Variants in NEDD4L observed in about 807,000 individuals in gnomAD.
NEDD4L encodes the protein E3 ubiquitin-protein ligase NEDD4-like.
A neutral mutation model predicts 148.9 loss-of-function variants in NEDD4L; 54 were observed. That is an observed-to-expected ratio of 0.36 (90% confidence interval 0.29 to 0.45). NEDD4L has a LOEUF of 0.45. NEDD4L is among the 20% of genes least tolerant of loss of function. The pLI is 1.00. For missense variants in NEDD4L, 856 were observed against 1,233.8 expected (o/e 0.69, Z 4.59); for synonymous variants, 433 against 440.7 (o/e 0.98, Z 0.22).
intron 1 of NEDD4L, among the ~76,000 whole-genome samples, chr18:58,127,575 C>G (rs1424885277): frequency 6.6e-6 from 1 of 151,728 alleles, no homozygotes; most frequent in East Asian, 1.9e-4. Flanking sequence ...TGCGGTGGCT[C>G]ACACCTGTGA....
chr18:58,287,088 CTTTT>C (rs2054023453), intron 5 of NEDD4L, among the ~76,000 whole-genome samples: 1 of 148,796 alleles, frequency 6.7e-6, no homozygotes, highest in Non-Finnish European at 1.5e-5. Context: ...TAAAGCACTT[CTTTT>C]TCTTTTTTTT....
At chr18:58,152,833 G>T (rs1304456403) in intron 1 of NEDD4L, among the ~76,000 whole-genome samples, 1 of 152,196 alleles carries the variant, frequency 6.6e-6, no homozygotes, top group Non-Finnish European at 1.5e-5. Flanking sequence ...CAGTCCTGTG[G>T]CTTCTTAGGC....
At chr18:58,196,698 TTCTC>T (rs141781416) in intron 2 of NEDD4L, among the ~76,000 whole-genome samples, 1 of 134,064 alleles carries the variant, frequency 7.5e-6, no homozygotes, top group Non-Finnish European at 1.6e-5. Context: ...TACTTTTCTG[TTCTC>T]TCTCTCTCTT....
intron 2 of NEDD4L, among the ~76,000 whole-genome samples, chr18:58,202,070 G>T (rs1269057502): frequency 6.6e-6 from 1 of 152,186 alleles, no homozygotes; most frequent in Non-Finnish European, 1.5e-5. Context: ...TTGCCTTGAA[G>T]ATGTGCAGCT....
chr18:58,391,574 C>T lies in NEDD4L; in HGVS notation c.2825+15C>T, dbSNP rs1297154365. 6 of 1,544,630 alleles carry T rather than the reference C, an allele frequency of 3.9e-6. No homozygotes were observed. In the African/African-American group the frequency reaches 6.8e-5, roughly 18 times the overall value. ...GCTCACACATGGTGAGTGACAAAAA[C>T]ACATGCATGTCAATGCAATATCTGA... On this transcript the variant is annotated intron_variant, in intron 30 of 30. Transcript: ENST00000400345.
rs1014109683 is a variant in NEDD4L, at chr18:58,180,498, C to T, written c.122+14637C>T. Among the ~76,000 whole-genome samples, 18 of 152,196 alleles carry T rather than the reference C, an allele frequency of 1.2e-4. 1 individual carries two copies. The highest frequency in any genetic ancestry group is 7.3e-5 in the Non-Finnish European group (5 of 68,030). ...TTGAGCTGAGGACAGCTCCCTACCC[C>T]CTTTCTGTGCTTGGCCGACTCCAGC... On this transcript the variant is annotated intron_variant, in intron 2 of 30. Transcript: ENST00000400345.
Position 58,195,305 on chromosome 18 carries a change from G to A in NEDD4L, c.122+29444G>A, listed in dbSNP as rs2040532665. 4.6e-6 allele frequency: 3 copies of A among 657,698 alleles called. No individual in the cohort carries two copies. In the South Asian group the frequency reaches 5.6e-5, roughly 12 times the overall value. 40.7% of individuals were successfully genotyped at this position (657,698 alleles called of 1,614,324 possible). ...TTTTGTTGCAAGGGCAGCATTGTGG[G>A]GCTGTGGTTTGAATTGCTTTTTTGT... is the stretch of plus-strand genomic sequence containing the variant. On this transcript the variant is annotated intron_variant, in intron 2 of 30. Coordinates refer to ENST00000400345, the MANE Select transcript of NEDD4L (RefSeq NM_001144967.3).
chr18:58,266,861 C>T (rs1227745606), intron 5 of NEDD4L, among the ~76,000 whole-genome samples: 1 of 152,046 alleles, frequency 6.6e-6, no homozygotes, highest in Non-Finnish European at 1.5e-5. Context: ...GATAAAGTTA[C>T]AAATCTAAGC....
At chr18:58,095,583 G>A (rs1029405189) in intron 1 of NEDD4L, among the ~76,000 whole-genome samples, 4 of 152,206 alleles carry the variant, frequency 2.6e-5, no homozygotes, top group African/African-American at 9.7e-5. Context: ...AGCTGTGGCC[G>A]CCTTGGTTGG....
At chr18:58,328,163 C>T (rs1011063073) in intron 9 of NEDD4L, among the ~76,000 whole-genome samples, 3 of 152,050 alleles carry the variant, frequency 2.0e-5, no homozygotes, top group Admixed American at 6.5e-5. Flanking sequence ...CGGGGTTTTG[C>T]CATGTTGGCC....
In NEDD4L at chr18:58,176,187, C is replaced by A. The variant is rs2038118943; in HGVS notation, c.122+10326C>A. ...ATAAAAGAGCAAACTAGACTGCTTTCTTTCTCTCTCTCACTCTCCCCCTGT... is the reference window on the plus strand; with the variant it reads ...ATAAAAGAGCAAACTAGACTGCTTTATTTCTCTCTCTCACTCTCCCCCTGT... On this transcript the variant is annotated intron_variant, in intron 2 of 30. Transcript: ENST00000400345. Among the ~76,000 whole-genome samples the A allele has an allele frequency of 2.6e-5, 4 of 152,128 alleles. No homozygotes were observed. In the South Asian group the frequency reaches 8.3e-4, roughly 32 times the overall value.
chr18:58,115,105 G>A (rs1207274563), intron 1 of NEDD4L, among the ~76,000 whole-genome samples: 14 of 152,140 alleles, frequency 9.2e-5, no homozygotes, highest in Admixed American at 3.9e-4. Flanking sequence ...TTCCACCTGC[G>A]GCAGTGGTAG....
chr18:58,109,409 A>G (rs561967065), intron 1 of NEDD4L, among the ~76,000 whole-genome samples: 3 of 152,320 alleles, frequency 2.0e-5, no homozygotes, highest in Non-Finnish European at 4.4e-5. Flanking sequence ...GGCAATGGTA[A>G]CAGCATGTGC....
intron 2 of NEDD4L, among the ~76,000 whole-genome samples, chr18:58,175,428 T>C (rs1170108424): frequency 2.0e-5 from 3 of 152,254 alleles, no homozygotes; most frequent in African/African-American, 7.2e-5. Context: ...TGTTAGCATT[T>C]AGAACTGACT....
intron 1 of NEDD4L, among the ~76,000 whole-genome samples, chr18:58,096,372 T>C (rs1313771250): frequency 7.6e-6 from 1 of 131,294 alleles, no homozygotes. Context: ...TTTTATTTTA[T>C]TTTATTTTAT....
chr18:58,162,528 G>A (rs775298590), intron 1 of NEDD4L, among the ~76,000 whole-genome samples: 10 of 151,316 alleles, frequency 6.6e-5, no homozygotes, highest in Non-Finnish European at 8.8e-5. Flanking sequence ...CCTCTACTCA[G>A]TTGCTTTATT....
intron 2 of NEDD4L, among the ~76,000 whole-genome samples, chr18:58,229,304 G>A (rs918842860): frequency 6.6e-6 from 1 of 152,190 alleles, no homozygotes; most frequent in African/African-American, 2.4e-5. Flanking sequence ...GGGCTCATTT[G>A]TAAGGAGCCA....
intron 1 of NEDD4L, among the ~76,000 whole-genome samples, chr18:58,109,350 C>CATTA (rs1163686636): frequency 6.6e-6 from 1 of 152,156 alleles, no homozygotes; most frequent in East Asian, 1.9e-4. Flanking sequence ...CAGGCACTTG[C>CATTA]ATTAACATTT....
At chr18:58,347,655 A>G (rs1180209222) in intron 16 of NEDD4L, among the ~76,000 whole-genome samples, 1 of 152,214 alleles carries the variant, frequency 6.6e-6, no homozygotes, top group African/African-American at 2.4e-5. Context: ...TTTTAAAAAA[A>G]TATATTGGGT....
Sources: gnomAD v4.1 joint callset for allele counts (sites outside exome capture counted in the v4.1 genomes callset) on GRCh38, gnomAD v4.1.1 for gene constraint, MANE v1.5 for transcripts, NCBI Gene and HGNC (gene_info 2026-07-23, HGNC 2026-07-21) for gene names.